The following PRKAR2B variants were observed in gnomAD, a reference collection of about 807,000 sequenced individuals.
PRKAR2B encodes the protein cAMP-dependent protein kinase type II-beta regulatory subunit.
In PRKAR2B, 14 loss-of-function variants were observed where a neutral mutation model predicts 49.9. The ratio of observed to expected loss-of-function variants is 0.28; its 90% CI spans 0.19 to 0.44. The LOEUF is 0.44. Ranked by LOEUF, PRKAR2B falls within the 20% of genes least tolerant of loss-of-function variation. The probability of loss-of-function intolerance (pLI) is 1.00; values close to 1 mark genes in which losing one functional copy is unlikely to be tolerated. For missense variants in PRKAR2B, 393 were observed against 537.9 expected (o/e 0.73, Z 2.67); for synonymous variants, 196 against 197.7 (o/e 0.99, Z 0.07).
rs1406334154 is a variant in PRKAR2B at position 107,159,357 on chromosome 7, T to C, written c.1124-92T>C. ...ATTTACCTAAAATATCATTGCACTA[T>C]TGATATATATGGAGTCGGTATTGTA... On this transcript the variant is annotated intron_variant, in intron 10 of 10. Transcript: ENST00000265717. The C allele has an allele frequency of 5.0e-5, 59 of 1,180,312 alleles. No individual in the cohort carries two copies. The Admixed American group carries it at 5.3e-4, about 11-fold the overall frequency. 73.1% of individuals were successfully genotyped at this position (1,180,312 alleles called of 1,614,324 possible).
intron 2 of PRKAR2B, among the ~76,000 whole-genome samples, chr7:107,078,942 C>G (rs1461669817): frequency 6.6e-6 from 1 of 152,206 alleles, no homozygotes; most frequent in African/African-American, 2.4e-5. Flanking sequence ...TGTCCTCAGA[C>G]TCTTCACACT....
Position 107,101,139 on chromosome 7 carries a change from T to TA in PRKAR2B, c.344-20813_344-20812insA, listed in dbSNP as rs1166507618. 3.4e-3 allele frequency among the ~76,000 whole-genome samples: 509 copies of TA among 148,634 alleles called. 2 individuals carry two copies. The highest frequency in any genetic ancestry group is 0.012 in the African/African-American group (484 of 40,382). ...TCCCTCTCCAGGTTGTTGCTTATTT[T>TA]TTTTTTTTTTTTTTTTTTTGTAGCT... On this transcript the variant is annotated intron_variant, in intron 2 of 10. Coordinates refer to ENST00000265717, the MANE Select transcript of PRKAR2B (RefSeq NM_002736.3).
intron 7 of PRKAR2B, among the ~76,000 whole-genome samples, chr7:107,152,041 A>G (rs770025322): frequency 6.6e-6 from 1 of 152,158 alleles, no homozygotes; most frequent in Non-Finnish European, 1.5e-5. Context: ...CAAACCTAGT[A>G]TGTCCCAAAT....
chr7:107,097,603 G>T (rs185100280), intron 2 of PRKAR2B, among the ~76,000 whole-genome samples: 3 of 152,096 alleles, frequency 2.0e-5, no homozygotes, highest in Non-Finnish European at 4.4e-5. Context: ...CCTTCCTAGC[G>T]TGGATGGTCT....
intron 2 of PRKAR2B, among the ~76,000 whole-genome samples, chr7:107,110,264 A>G (rs1795147683): frequency 6.6e-6 from 1 of 152,182 alleles, no homozygotes; most frequent in Admixed American, 6.6e-5. Context: ...CAACAGTTGG[A>G]AAGTTCCGGC....
intron 6 of PRKAR2B, among the ~76,000 whole-genome samples, chr7:107,149,048 C>G (rs78706861): frequency 0.016 from 2,423 of 152,240 alleles, 75 homozygotes; most frequent in African/African-American, 0.054. Context: ...TGGTGTTATA[C>G]CTGATTTCCA....
intron 4 of PRKAR2B, among the ~76,000 whole-genome samples, chr7:107,137,599 T>C (rs957410025): frequency 3.9e-5 from 6 of 152,234 alleles, no homozygotes; most frequent in African/African-American, 1.4e-4. Flanking sequence ...CATGCATATC[T>C]AAAATTTTAT....
At position 107,153,174 on chromosome 7, in the gene PRKAR2B, T is replaced by C. The variant is rs1231534853; in HGVS notation, c.844-3T>C. The C allele has an allele frequency of 6.2e-7, 1 of 1,602,804 alleles. No homozygotes were observed. The highest frequency in any genetic ancestry group is 1.7e-5 in the Admixed American group (1 of 58,266). The stretch of plus-strand genomic sequence containing the variant: ...ATTTAATATTGTTTTTCTTTCTTTG[T>C]AGTTTTCTGAACGCCTGAAAGTAGT... On this transcript the variant is annotated splice_polypyrimidine_tract_variant and splice_region_variant and intron_variant, in intron 7 of 10. Coordinates refer to ENST00000265717, the MANE Select transcript of PRKAR2B (RefSeq NM_002736.3).
At chr7:107,045,514 T>C (rs973623121) in intron 1 of PRKAR2B, among the ~76,000 whole-genome samples, 7 of 152,338 alleles carry the variant, frequency 4.6e-5, no homozygotes, top group Middle Eastern at 3.4e-3. Context: ...GGTGGGCATC[T>C]GCTAGAAAGA....
intron 1 of PRKAR2B, among the ~76,000 whole-genome samples, chr7:107,059,245 G>C (rs928362868): frequency 6.6e-6 from 1 of 151,914 alleles, no homozygotes; most frequent in Non-Finnish European, 1.5e-5. Context: ...CTCCAGCGTG[G>C]GTGACAGAGT....
rs1240117610 is a variant in PRKAR2B, at chr7:107,045,817, T to TA, written c.307+604dup. On this transcript the variant is annotated intron_variant, in intron 1 of 10. Transcript: ENST00000265717. The stretch of plus-strand genomic sequence containing the variant: ...CCAATTTACCAATACCGTGTTGTGT[T>TA]ATTTTTGGACACGTAACAAAGGATT... Among the ~76,000 whole-genome samples the TA allele has an allele frequency of 5.3e-5, 8 of 152,238 alleles. 1 individual carries two copies. The South Asian group carries it at 1.7e-3, about 31-fold the overall frequency.
intron 2 of PRKAR2B, among the ~76,000 whole-genome samples, chr7:107,085,993 T>A (rs868116089): frequency 1.3e-5 from 2 of 152,214 alleles, no homozygotes; most frequent in African/African-American, 2.4e-5. Context: ...TAAAACAGTA[T>A]GCTGATTCAT....
chr7:107,079,792 T>C (rs779692810), intron 2 of PRKAR2B, among the ~76,000 whole-genome samples: 16 of 152,212 alleles, frequency 1.1e-4, no homozygotes, highest in Non-Finnish European at 2.2e-4. Context: ...GTGAGGTTCA[T>C]AATTAATGGA....
intron 2 of PRKAR2B, among the ~76,000 whole-genome samples, chr7:107,101,121 C>G (rs1207289360): frequency 1.3e-5 from 2 of 149,992 alleles, no homozygotes; most frequent in African/African-American, 2.5e-5. Context: ...TCCTCCCTCT[C>G]CAGGTTGTTG....
chr7:107,053,525 AGTGTGTGTGTGTGTGT>A (rs56855022), intron 1 of PRKAR2B, among the ~76,000 whole-genome samples: 17 of 141,996 alleles, frequency 1.2e-4, no homozygotes, highest in South Asian at 4.7e-4. Context: ...GATTATAAAG[AGTGTGTGTGTGTGTGT>A]GTGTGTGTGT....
intron 1 of PRKAR2B, among the ~76,000 whole-genome samples, chr7:107,056,997 C>G (rs1416729328): frequency 6.6e-6 from 1 of 152,184 alleles, no homozygotes; most frequent in Non-Finnish European, 1.5e-5. Flanking sequence ...TGCTGTATGT[C>G]ATTGCATCTG....
intron 2 of PRKAR2B, among the ~76,000 whole-genome samples, chr7:107,097,079 C>G (rs148745073): frequency 1.3e-5 from 2 of 152,176 alleles, no homozygotes; most frequent in South Asian, 2.1e-4. Context: ...AACTTTCTGT[C>G]TCATTGATCT....
At chr7:107,085,389 A>C (rs1174380852) in intron 2 of PRKAR2B, among the ~76,000 whole-genome samples, 2 of 152,086 alleles carry the variant, frequency 1.3e-5, no homozygotes, top group Non-Finnish European at 2.9e-5. Context: ...AATTATCAAA[A>C]TTTTTCCAAA....
At chr7:107,123,273 G>A (rs1037257855) in intron 3 of PRKAR2B, among the ~76,000 whole-genome samples, 2 of 152,198 alleles carry the variant, frequency 1.3e-5, no homozygotes, top group Non-Finnish European at 2.9e-5. Context: ...GTTAGGCCTT[G>A]AATTTTAGCT....
Sources: gnomAD v4.1 joint callset for allele counts (sites outside exome capture counted in the v4.1 genomes callset) on GRCh38, gnomAD v4.1.1 for gene constraint, MANE v1.5 for transcripts, NCBI Gene and HGNC (gene_info 2026-07-23, HGNC 2026-07-21) for gene names.